Variants in SMYD4 observed in about 807,000 individuals in gnomAD.
The protein encoded by SMYD4 is protein-lysine N-methyltransferase SMYD4.
Under a neutral mutation model 72.8 loss-of-function variants are expected in SMYD4, and 68 were observed. The observed-to-expected ratio is 0.93, with a 90% CI of 0.77 to 1.14. The LOEUF (loss-of-function observed/expected upper bound fraction) is 1.14. SMYD4 is among the 50% of genes most tolerant of loss of function. The pLI is 0.00. For synonymous variants in SMYD4, 407 were observed against 388.6 expected (o/e 1.05, Z -0.56); for missense variants, 984 against 1,003.7 (o/e 0.98, Z 0.27).
intron 2 of SMYD4, among the ~76,000 whole-genome samples, chr17:1,821,152 T>C (rs1597397591): frequency 6.6e-6 from 1 of 152,200 alleles, no homozygotes; most frequent in Non-Finnish European, 1.5e-5. Context: ...AATGTATGCA[T>C]TGAATGTTGG....
chr17:1,786,626 T>C (rs1173610775), intron 7 of SMYD4, among the ~76,000 whole-genome samples, 184 bp downstream of exon 7: 1 of 152,192 alleles, frequency 6.6e-6, no homozygotes, highest in Non-Finnish European at 1.5e-5. Flanking sequence ...CATTACTAAA[T>C]TGAACCTTTC....
At chr17:1,826,466 T>C (rs572499853) in intron 2 of SMYD4, among the ~76,000 whole-genome samples, 8 of 127,380 alleles carry the variant, frequency 6.3e-5, no homozygotes, top group Admixed American at 1.1e-4. Flanking sequence ...CACTCCAGCC[T>C]GGGCAACAAG....
intron 7 of SMYD4, among the ~76,000 whole-genome samples, chr17:1,785,561 T>G (rs1020669540): frequency 1.3e-5 from 2 of 152,012 alleles, no homozygotes; most frequent in Non-Finnish European, 2.9e-5. Flanking sequence ...GAGACCAGCC[T>G]GGCCAACATG....
At chr17:1,794,045 A>ATATATATATGCG (rs1909226200) in intron 5 of SMYD4, among the ~76,000 whole-genome samples, 1 of 90,960 alleles carries the variant, frequency 1.1e-5, no homozygotes, top group Non-Finnish European at 2.1e-5. Flanking sequence ...ATGTATGTAT[A>ATATATATATGCG]TATATATGTG....
chr17:1,811,272 G>A (rs1038905573), intron 3 of SMYD4, among the ~76,000 whole-genome samples: 4 of 152,160 alleles, frequency 2.6e-5, no homozygotes, highest in African/African-American at 7.2e-5. Context: ...TCCATCGCAC[G>A]CCCTGCGAGG....
intron 5 of SMYD4, 73 bp from the exon 6 acceptor site, chr17:1,787,677 A>T: frequency 6.9e-7 from 1 of 1,451,214 alleles, no homozygotes; most frequent in East Asian, 2.5e-5. Context: ...GTTCCTCAGA[A>T]GATGAGCTGG....
At chr17:1,796,083 C>T (rs913886386) in intron 5 of SMYD4, among the ~76,000 whole-genome samples, 3 of 152,030 alleles carry the variant, frequency 2.0e-5, no homozygotes, top group Non-Finnish European at 4.4e-5. Context: ...GCCAGTATTA[C>T]GATATGTATC....
In SMYD4 at chr17:1,801,108, A is replaced by C. The variant is rs74746778; in HGVS notation, c.370-84T>G. 5,378 of 1,267,360 alleles carry C rather than the reference A, an allele frequency of 4.2e-3. 172 individuals are homozygous for C. The African/African-American group carries it at 0.068, about 16-fold the overall frequency. The allele number at this position is 1,267,360 out of a possible 1,614,324, so 78.5% of individuals were successfully genotyped here. ...GAAAATGTTTCCAAAAATCTACAGGAAAGTTAAGGATTATTAAAAAATGGA... is the reference window on the plus strand; with the variant it reads ...GAAAATGTTTCCAAAAATCTACAGGCAAGTTAAGGATTATTAAAAAATGGA... On this transcript the variant is annotated intron_variant, in intron 4 of 10. Transcript: ENST00000305513.
At chr17:1,812,389 T>A (rs559067051) in intron 2 of SMYD4, among the ~76,000 whole-genome samples, 22 of 152,046 alleles carry the variant, frequency 1.4e-4, no homozygotes, top group African/African-American at 5.1e-4. Flanking sequence ...CAGGCTCAGA[T>A]GATTCTCCCA....
In SMYD4 at chr17:1,794,029, A is replaced by G. The variant is rs1439629545; in HGVS notation, c.1537+5828T>C. ...TATGTATATATATATATGTGTGTATATATATATGTATGTATATATATATGT... is the reference window on the plus strand; with the variant it reads ...TATGTATATATATATATGTGTGTATGTATATATGTATGTATATATATATGT... On this transcript the variant is annotated intron_variant, in intron 5 of 10. Transcript: ENST00000305513. Among the ~76,000 whole-genome samples, 178 of 78,520 alleles carry G rather than the reference A, an allele frequency of 2.3e-3. 4 individuals are homozygous for G. Among genetic ancestry groups the G allele is most frequent in the Middle Eastern group, 0.011 (2 of 178 alleles). 51.5% of individuals were successfully genotyped at this position (78,520 alleles called of 152,430 possible).
intron 2 of SMYD4, among the ~76,000 whole-genome samples, chr17:1,816,620 A>C (rs916632381): frequency 2.1e-5 from 3 of 142,856 alleles, no homozygotes; most frequent in African/African-American, 7.9e-5. Context: ...ACTCTGTCTC[A>C]AAAAAAAAAA....
rs766722588 is a variant in SMYD4 at position 1,799,959 on chromosome 17, G to A, written c.1435C>T (p.Pro479Ser). The A allele has an allele frequency of 3.1e-6, 5 of 1,614,104 alleles. No homozygotes were observed. In the East Asian group the frequency reaches 6.7e-5, roughly 22 times the overall value. ...NSSQLKAAVT[P>S]ELCPDVTIWG... Reference sequence around the variant, plus strand: ...ATAGTCACGTCAGGACACAATTCAGGTGTCACTGCTGCTTTAAGCTGAGAG... The same window carrying A: ...ATAGTCACGTCAGGACACAATTCAGATGTCACTGCTGCTTTAAGCTGAGAG... Residue 479 changes from proline to serine, a missense_variant, in exon 5 of 11, where the codon CCT becomes TCT. Pro to Ser is a moderately conservative substitution (Grantham distance 74). Transcript: ENST00000305513.
intron 5 of SMYD4, among the ~76,000 whole-genome samples, chr17:1,794,533 C>A (rs1909288997): frequency 6.6e-6 from 1 of 151,894 alleles, no homozygotes; most frequent in Non-Finnish European, 1.5e-5. Context: ...TAAAAAGCCT[C>A]TCCCACCCTA....
intron 5 of SMYD4, among the ~76,000 whole-genome samples, chr17:1,796,040 A>G (rs893253109): frequency 6.6e-6 from 1 of 152,140 alleles, no homozygotes; most frequent in Non-Finnish European, 1.5e-5. Context: ...GATAAAGCCG[A>G]TGTCTCCAAA....
chr17:1,816,080 C>CG (rs398078832), intron 2 of SMYD4, among the ~76,000 whole-genome samples: 7 of 69,812 alleles, frequency 1.0e-4, no homozygotes, highest in African/African-American at 3.6e-4. Flanking sequence ...TATTCATTTC[C>CG]AAAGTTTTTT....
chr17:1,794,586 G>A (rs1909291590), intron 5 of SMYD4, among the ~76,000 whole-genome samples: 1 of 151,906 alleles, frequency 6.6e-6, no homozygotes, highest in East Asian at 1.9e-4. Flanking sequence ...GATAATTGAT[G>A]GTTTAATTCT....
intron 2 of SMYD4, among the ~76,000 whole-genome samples, chr17:1,815,378 T>C (rs1205697589): frequency 1.3e-5 from 2 of 151,972 alleles, no homozygotes; most frequent in African/African-American, 4.8e-5. Context: ...TTTTGATTTT[T>C]TAGTAGAGAT....
At chr17:1,816,466 A>G (rs1049455190) in intron 2 of SMYD4, among the ~76,000 whole-genome samples, 1 of 151,692 alleles carries the variant, frequency 6.6e-6, no homozygotes, top group Non-Finnish European at 1.5e-5. Flanking sequence ...CAAAAATACA[A>G]AAAAGTAGCC....
chr17:1,783,085 A>G lies in SMYD4; in HGVS notation c.2211T>C (p.Ser737=). 3 of 1,614,244 alleles carry G rather than the reference A, an allele frequency of 1.9e-6. No individual in the cohort carries two copies. The highest frequency in any genetic ancestry group is 2.2e-5 in the East Asian group (1 of 44,884). ...YVVEVRHGPS[S]VEMGHELFKL... is the part of the protein sequence containing the mutation. ...TGAAGAGCTCATGGCCCATTTCAAC[A>G]CTGGACGGCCCGTGGCGAACCTCCA... Residue 737 remains serine, a synonymous_variant, in exon 10 of 11, where the codon AGT becomes AGC. Transcript: ENST00000305513.
Sources: gnomAD v4.1 joint callset for allele counts (sites outside exome capture counted in the v4.1 genomes callset) on GRCh38, gnomAD v4.1.1 for gene constraint, MANE v1.5 for transcripts, NCBI Gene and HGNC (gene_info 2026-07-23, HGNC 2026-07-21) for gene names.